Variants in LRRC7 observed in about 807,000 individuals in gnomAD.
The protein encoded by LRRC7 is leucine-rich repeat-containing protein 7.
Under a neutral mutation model 175.7 loss-of-function variants are expected in LRRC7, and 23 were observed. The observed-to-expected ratio is 0.13, with a 90% CI of 0.09 to 0.19. LRRC7 has a LOEUF of 0.19. Ranked by LOEUF, LRRC7 falls within the 10% of genes least tolerant of loss-of-function variation. The pLI is 1.00. For synonymous variants in LRRC7, 685 were observed against 680.9 expected (o/e 1.01, Z -0.09); for missense variants, 1,354 against 1,904.7 (o/e 0.71, Z 5.38).
intron 7 of LRRC7, among the ~76,000 whole-genome samples, chr1:69,898,323 G>T (rs937099607): frequency 6.6e-6 from 1 of 152,152 alleles, no homozygotes; most frequent in African/African-American, 2.4e-5. Flanking sequence ...TGCACCTGTG[G>T]TTGGAGAGCT....
rs1230244014 is a variant in LRRC7 at position 69,925,349 on chromosome 1, T to A, written c.648-6158T>A. On this transcript the variant is annotated intron_variant, in intron 7 of 26. Transcript: ENST00000651989. ...TAGGGAGGATTCCTTCTTTTTCTAT[T>A]GATTGGAATAGTTTCAGAAGGAATG... Among the ~76,000 whole-genome samples, 96 of 152,296 alleles carry A rather than the reference T, an allele frequency of 6.3e-4. 1 individual carries two copies. Among genetic ancestry groups the A allele is most frequent in the East Asian group, 9.7e-4 (5 of 5,168 alleles).
chr1:69,763,114 T>C (rs1455821144), intron 3 of LRRC7, among the ~76,000 whole-genome samples: 2 of 152,050 alleles, frequency 1.3e-5, no homozygotes, highest in Admixed American at 1.3e-4. Context: ...GAATAATGCA[T>C]CAGAGTTCAT....
At chr1:70,080,289 A>G (rs1378620546) in intron 24 of LRRC7, among the ~76,000 whole-genome samples, 3 of 152,252 alleles carry the variant, frequency 2.0e-5, no homozygotes, top group Admixed American at 1.3e-4. Context: ...CCTGATTAAA[A>G]TAAGTTCCAT....
intron 1 of LRRC7, among the ~76,000 whole-genome samples, chr1:69,593,295 C>T (rs1646711439): frequency 6.6e-6 from 1 of 151,996 alleles, no homozygotes; most frequent in African/African-American, 2.4e-5. Context: ...TCATGAACAA[C>T]CTACAGTAGA....
intron 7 of LRRC7, among the ~76,000 whole-genome samples, chr1:69,855,038 T>C (rs1266676653): frequency 6.6e-6 from 1 of 152,196 alleles, no homozygotes; most frequent in Admixed American, 6.6e-5. Context: ...TGTAATATGA[T>C]ATATGAATTA....
intron 2 of LRRC7, among the ~76,000 whole-genome samples, chr1:69,694,421 C>G (rs566571221): frequency 2.0e-5 from 3 of 152,268 alleles, no homozygotes; most frequent in Admixed American, 2.0e-4. Flanking sequence ...CTGATTTTCC[C>G]TGATTTTTTT....
Position 70,012,970 on chromosome 1 carries a change from A to T in LRRC7, c.1135-4A>T. On this transcript the variant is annotated splice_region_variant and splice_polypyrimidine_tract_variant and intron_variant, in intron 12 of 26. Coordinates refer to ENST00000651989, the MANE Select transcript of LRRC7 (RefSeq NM_001370785.2). ...TTTTACCTATTTTCTTTTGTTACCT[A>T]CAGATTGGAAGTTGTAAGAATGTAA... is the stretch of plus-strand genomic sequence containing the variant. 6.6e-7 allele frequency: 1 copy of T among 1,505,546 alleles called. No homozygotes were observed. Among genetic ancestry groups the T allele is most frequent in the Non-Finnish European group, 9.0e-7 (1 of 1,112,296 alleles). The allele number at this position is 1,505,546 out of a possible 1,614,324, so 93.3% of individuals were successfully genotyped here.
Position 70,038,969 on chromosome 1 carries a change from G to A in LRRC7, c.3145G>A (p.Gly1049Arg), listed in dbSNP as rs1342022584. Residue 1049 changes from glycine (G) to arginine (R), a missense_variant, in exon 21 of 27, where the codon GGA (glycine) becomes AGA (arginine). Physicochemically the swap from Gly to Arg is moderately radical, Grantham distance 125. Around this residue, in one of 4 missense-constraint regions of LRRC7, gnomAD observed 1,032 missense variants for 1,227.2 expected, o/e 0.84. Transcript: ENST00000651989. ...GCTGGATGATGAGATGCTCACCTAC[G>A]GAAGTAGTAAGGGGCCACAACAACA... ...PMLDDEMLTY[G>R]SSKGPQQQKA... is the part of the protein sequence containing the mutation. 6 of 1,613,760 alleles carry A rather than the reference G, an allele frequency of 3.7e-6. No homozygotes were observed. Among genetic ancestry groups the A allele is most frequent in the Admixed American group, 1.7e-5 (1 of 59,996 alleles).
chr1:70,080,603 A>G (rs1431597672), intron 24 of LRRC7, among the ~76,000 whole-genome samples: 2 of 152,228 alleles, frequency 1.3e-5, no homozygotes, highest in African/African-American at 2.4e-5. Context: ...TTTAAATTAA[A>G]TATATGGAAG....
At chr1:69,966,195 T>C (rs889565738) in intron 8 of LRRC7, among the ~76,000 whole-genome samples, 57 of 152,184 alleles carry the variant, frequency 3.7e-4, no homozygotes, top group Non-Finnish European at 2.2e-4. Flanking sequence ...AAAAATTTTA[T>C]TGGCCAATTT....
In LRRC7 at chr1:69,951,797, G is replaced by C. The variant is rs770373476; in HGVS notation, c.711+20227G>C. ...ACACTGGGGTCTACGTGAGGATGGA[G>C]GGTGGGAGAAGGGAGAACAGAAAAG... On this transcript the variant is annotated intron_variant, in intron 8 of 26. Transcript: ENST00000651989. 4.6e-5 allele frequency among the ~76,000 whole-genome samples: 7 copies of C among 152,162 alleles called. No homozygotes were observed. The South Asian group carries it at 1.5e-3, about 32-fold the overall frequency.
chr1:69,617,571 A>AAAAAAAAAAAAAAAC (rs1649856044), intron 1 of LRRC7, among the ~76,000 whole-genome samples: 1 of 150,664 alleles, frequency 6.6e-6, no homozygotes. Flanking sequence ...AAAAAAAAAA[A>AAAAAAAAAAAAAAAC]ATCAGAACTA....
At chr1:69,989,428 A>C (rs1654226914) in intron 10 of LRRC7, among the ~76,000 whole-genome samples, 1 of 152,178 alleles carries the variant, frequency 6.6e-6, no homozygotes, top group African/African-American at 2.4e-5. Flanking sequence ...TGGAAATTAA[A>C]ATACCACATT....
At chr1:70,062,311 A>G (rs1661640724) in intron 23 of LRRC7, among the ~76,000 whole-genome samples, 2 of 152,138 alleles carry the variant, frequency 1.3e-5, no homozygotes, top group Admixed American at 6.6e-5. Flanking sequence ...GAACAATTAT[A>G]TGAATATCTG....
chr1:69,911,902 G>A (rs752501281), intron 7 of LRRC7, among the ~76,000 whole-genome samples: 1 of 150,640 alleles, frequency 6.6e-6, no homozygotes, highest in Non-Finnish European at 1.5e-5. Context: ...TTAGACCTCT[G>A]CAGATAGAAA....
intron 7 of LRRC7, among the ~76,000 whole-genome samples, chr1:69,904,649 C>T (rs1646239837): frequency 6.6e-6 from 1 of 151,870 alleles, no homozygotes; most frequent in African/African-American, 2.4e-5. Flanking sequence ...GCACTTTCTC[C>T]TGATCTTTTT....
chr1:70,062,324 G>A (rs1661642080), intron 23 of LRRC7, among the ~76,000 whole-genome samples: 1 of 152,032 alleles, frequency 6.6e-6, no homozygotes, highest in Non-Finnish European at 1.5e-5. Flanking sequence ...AATATCTGCA[G>A]GCTCAAATCA....
intron 2 of LRRC7, among the ~76,000 whole-genome samples, chr1:69,734,966 A>T (rs1667955533): frequency 6.6e-6 from 1 of 151,756 alleles, no homozygotes. Context: ...TCTATAAAAA[A>T]CTGTTAAAAA....
chr1:70,041,044 T>A (rs542733361), intron 21 of LRRC7, among the ~76,000 whole-genome samples: 1 of 152,248 alleles, frequency 6.6e-6, no homozygotes, highest in Admixed American at 6.5e-5. Flanking sequence ...GACATTAGAA[T>A]CTTAAAGATC....
Sources: gnomAD v4.1 joint callset for allele counts (sites outside exome capture counted in the v4.1 genomes callset) on GRCh38, gnomAD v4.1.1 for gene constraint, gnomAD v4.1.1 regional missense constraint, MANE v1.5 for transcripts, NCBI Gene and HGNC (gene_info 2026-07-23, HGNC 2026-07-21) for gene names.